The following GPHN variants were observed in gnomAD, a reference collection of about 807,000 sequenced individuals.
The protein encoded by GPHN is gephyrin.
GPHN carries 17 observed loss-of-function variants against 95.5 expected under a neutral mutation model. The observed-to-expected ratio is 0.18, with a 90% confidence interval of 0.12 to 0.27. The LOEUF (loss-of-function observed/expected upper bound fraction) is 0.27, where lower values mean the gene tolerates loss of function less well. Ranked by LOEUF, GPHN falls within the 10% of genes least tolerant of loss-of-function variation. GPHN has a pLI of 1.00. For missense variants in GPHN, 660 were observed against 978.1 expected (o/e 0.67, Z 4.34); for synonymous variants, 320 against 322.5 (o/e 0.99, Z 0.08).
intron 1 of GPHN, among the ~76,000 whole-genome samples, chr14:66,510,413 C>T (rs933620976): frequency 1.3e-5 from 2 of 152,180 alleles, no homozygotes; most frequent in African/African-American, 4.8e-5. Context: ...TTTAACGAAT[C>T]AACTTACCTT....
At chr14:66,659,703 T>C (rs998507605) in intron 1 of GPHN, among the ~76,000 whole-genome samples, 5 of 152,134 alleles carry the variant, frequency 3.3e-5, no homozygotes, top group African/African-American at 9.6e-5. Context: ...TTCTTTTCTT[T>C]TGAAGCCTAC....
chr14:67,253,953 A>ATCTTG, the GPHN span, among the ~76,000 whole-genome samples: 4 of 138,710 alleles, frequency 2.9e-5, 1 homozygote, highest in East Asian at 9.2e-4. Flanking sequence ...TTGTGTTAAT[A>ATCTTG]TTTTGTTTTG....
At position 66,631,661 on chromosome 14, in the gene GPHN, A is replaced by G. The variant is rs1222747145; in HGVS notation, c.65-49446A>G. ...AATTTTAAAGTAAAATTTGACAACA[A>G]CTAGACTAGGTCTGTAGGAGGATTT... On this transcript the variant is annotated intron_variant, in intron 1 of 22. Coordinates refer to ENST00000478722, the MANE Select transcript of GPHN (RefSeq NM_020806.5). Among the ~76,000 whole-genome samples, 5 of 152,290 alleles carry G rather than the reference A, an allele frequency of 3.3e-5. No homozygotes were observed. The East Asian group carries it at 9.6e-4, about 29-fold the overall frequency.
intron 5 of GPHN, among the ~76,000 whole-genome samples, chr14:66,901,340 C>G (rs2065121908): frequency 6.6e-6 from 1 of 151,956 alleles, no homozygotes; most frequent in African/African-American, 2.4e-5. Context: ...TGTCTCTTTG[C>G]TTTCCTGATT....
chr14:67,112,836 A>G (rs2078456482), intron 15 of GPHN, among the ~76,000 whole-genome samples, 182 bp from the exon 16 acceptor site: 1 of 152,206 alleles, frequency 6.6e-6, no homozygotes, highest in Non-Finnish European at 1.5e-5. Flanking sequence ...TGTGTGATTT[A>G]ACTTTTAAAA....
the GPHN span, chr14:67,312,595 T>C: frequency 6.2e-7 from 1 of 1,613,816 alleles, no homozygotes; most frequent in Non-Finnish European, 8.5e-7. Context: ...GAGAGTTAGG[T>C]CTGTCTTTTC....
At chr14:67,656,691 CAATA>C in the GPHN span, 1 of 1,260,548 alleles carries the variant, frequency 7.9e-7, no homozygotes, top group South Asian at 1.9e-5. Context: ...ATATAGTGAG[CAATA>C]ATTTTCATTC....
chr14:67,218,046 T>C, the GPHN span, among the ~76,000 whole-genome samples: 1 of 152,034 alleles, frequency 6.6e-6, no homozygotes, highest in Admixed American at 6.5e-5. Flanking sequence ...CTTTAGTGTT[T>C]GCAAGTTTCT....
the GPHN span, chr14:67,651,427 G>A: frequency 5.0e-6 from 8 of 1,613,936 alleles, no homozygotes; most frequent in Non-Finnish European, 5.9e-6. Context: ...GGCCTCCCAG[G>A]ATGGCGAGCT....
chr14:67,238,061 C>G, the GPHN span, among the ~76,000 whole-genome samples: 2 of 152,106 alleles, frequency 1.3e-5, no homozygotes, highest in Non-Finnish European at 2.9e-5. Context: ...AAGCTTGTCA[C>G]ACATCTAAAT....
chr14:66,818,133 A>G (rs946958929), intron 3 of GPHN, among the ~76,000 whole-genome samples: 1 of 152,108 alleles, frequency 6.6e-6, no homozygotes, highest in Non-Finnish European at 1.5e-5. Context: ...TTAGGGGTAC[A>G]TGTGTAGAAT....
chr14:67,656,673 T>C, the GPHN span: 1 of 1,426,850 alleles, frequency 7.0e-7, no homozygotes, highest in Non-Finnish European at 9.5e-7. Context: ...TTCCCCATGT[T>C]AGAAGGGATA....
chr14:67,517,723 T>TA, the GPHN span, among the ~76,000 whole-genome samples: 1 of 152,194 alleles, frequency 6.6e-6, no homozygotes, highest in African/African-American at 2.4e-5. Context: ...AGTAGTGCCT[T>TA]ACAATTGACA....
At chr14:67,637,153 T>C in the GPHN span, among the ~76,000 whole-genome samples, 1 of 152,180 alleles carries the variant, frequency 6.6e-6, no homozygotes, top group Non-Finnish European at 1.5e-5. Context: ...CTCACACCTG[T>C]AATCCTAGCG....
the GPHN span, among the ~76,000 whole-genome samples, chr14:67,440,574 A>G: frequency 2.0e-5 from 3 of 152,182 alleles, no homozygotes; most frequent in Admixed American, 1.3e-4. Context: ...CAACAGGGTG[A>G]AAACCCATCT....
intron 1 of GPHN, among the ~76,000 whole-genome samples, chr14:66,544,314 C>T (rs145576976): frequency 1.6e-4 from 25 of 152,300 alleles, no homozygotes; most frequent in Admixed American, 4.6e-4. Context: ...ACACCCTTCC[C>T]CTATATACTC....
At chr14:67,581,046 G>A in the GPHN span, 1 of 1,579,588 alleles carries the variant, frequency 6.3e-7, no homozygotes, top group Middle Eastern at 1.7e-4. Flanking sequence ...CAGGTCCTAA[G>A]CACTGCACGA....
chr14:66,525,343 G>A (rs1188483583), intron 1 of GPHN, among the ~76,000 whole-genome samples: 4 of 152,138 alleles, frequency 2.6e-5, no homozygotes, highest in South Asian at 2.1e-4. Flanking sequence ...TGGTGGGGTT[G>A]TTTTTTTCTT....
the GPHN span, among the ~76,000 whole-genome samples, chr14:67,484,138 T>A: frequency 6.6e-6 from 1 of 152,224 alleles, no homozygotes; most frequent in Admixed American, 6.5e-5. Flanking sequence ...TCCATTTTAT[T>A]TTCTACATAG....
Sources: gnomAD v4.1 joint callset for allele counts (sites outside exome capture counted in the v4.1 genomes callset) on GRCh38, gnomAD v4.1.1 for gene constraint, MANE v1.5 for transcripts, NCBI Gene and HGNC (gene_info 2026-07-23, HGNC 2026-07-21) for gene names.